Variants in IGF2BP3 observed in about 807,000 individuals in gnomAD.
IGF2BP3 encodes insulin like growth factor 2 mRNA binding protein 3.
A neutral mutation model predicts 73.8 loss-of-function variants in IGF2BP3; 9 were observed. The observed-to-expected ratio is 0.12, with a 90% CI of 0.07 to 0.21. The LOEUF (loss-of-function observed/expected upper bound fraction) is 0.21, where lower values mean the gene tolerates loss of function less well. IGF2BP3 is among the 10% of genes least tolerant of loss of function. The probability of loss-of-function intolerance (pLI) is 1.00; values close to 1 mark genes in which losing one functional copy is unlikely to be tolerated. For missense variants in IGF2BP3, 542 were observed against 714.0 expected, an observed-to-expected ratio of 0.76 and a Z score of 2.75; for synonymous variants, 258 against 256.7, an observed-to-expected ratio of 1.01 and a Z score of -0.05.
chr7:23,314,867 G>C (rs972483602), intron 12 of IGF2BP3, among the ~76,000 whole-genome samples: 1 of 151,788 alleles, frequency 6.6e-6, no homozygotes, highest in Non-Finnish European at 1.5e-5. Flanking sequence ...GCATGGTTTC[G>C]GCTTACTGCA....
At chr7:23,368,948 G>A (rs942906693) in intron 3 of IGF2BP3, among the ~76,000 whole-genome samples, 3 of 151,706 alleles carry the variant, frequency 2.0e-5, no homozygotes, top group African/African-American at 7.3e-5. Context: ...CACTTTAAAT[G>A]GTGAATTGCA....
At chr7:23,460,133 G>C (rs1788410509) in intron 2 of IGF2BP3, among the ~76,000 whole-genome samples, 1 of 134,282 alleles carries the variant, frequency 7.4e-6, no homozygotes, top group Non-Finnish European at 1.5e-5. Context: ...GTCTACACCT[G>C]TGATCACTGC....
chr7:23,317,636 T>C lies in IGF2BP3; in HGVS notation c.1395+3A>G, dbSNP rs769444658. The C allele has an allele frequency of 1.6e-5, 26 of 1,612,888 alleles. No homozygotes were observed. In the Middle Eastern group the frequency reaches 6.6e-4, roughly 41 times the overall value. ...GACATAGCACATACTCTAGAGCACA[T>C]ACCTTGAACTGAGCCTCTGGTGGTC... On this transcript the variant is annotated splice_donor_region_variant and intron_variant, in intron 12 of 14. Transcript: ENST00000258729.
At chr7:23,466,544 C>G (rs187889887) in intron 2 of IGF2BP3, among the ~76,000 whole-genome samples, 1 of 152,272 alleles carries the variant, frequency 6.6e-6, no homozygotes, top group East Asian at 1.9e-4. Flanking sequence ...TGTTAATAAA[C>G]TGAAGATACA....
chr7:23,335,992 A>C (rs1179192270), intron 10 of IGF2BP3, among the ~76,000 whole-genome samples: 1 of 152,188 alleles, frequency 6.6e-6, no homozygotes, highest in Admixed American at 6.5e-5. Context: ...CTCTGGGGAG[A>C]CTCAACCTGG....
chr7:23,465,530 C>CA (rs1554338703), intron 2 of IGF2BP3, among the ~76,000 whole-genome samples: 8 of 151,776 alleles, frequency 5.3e-5, no homozygotes, highest in African/African-American at 1.2e-4. Flanking sequence ...GGGTCCCCCC[C>CA]CAAGCTCCAC....
At chr7:23,359,183 C>T (rs1260703924) in intron 5 of IGF2BP3, among the ~76,000 whole-genome samples, 6 of 152,190 alleles carry the variant, frequency 3.9e-5, no homozygotes, top group African/African-American at 1.2e-4. Context: ...AGTTTGCTGT[C>T]GTGGTTAGGA....
At chr7:23,413,108 C>G (rs1456994702) in intron 3 of IGF2BP3, 1 of 151,494 alleles carries the variant, frequency 6.6e-6, no homozygotes, top group East Asian at 2.0e-4. Context: ...GACCCACCTG[C>G]CTTGGCCTCC....
chr7:23,347,423 T>C (rs1784855929), intron 7 of IGF2BP3, among the ~76,000 whole-genome samples, 177 bp downstream of exon 7: 2 of 152,086 alleles, frequency 1.3e-5, no homozygotes, highest in African/African-American at 2.4e-5. Context: ...TGAATGAAAA[T>C]ATTTAAATAT....
At chr7:23,417,883 A>G (rs1292092059) in intron 3 of IGF2BP3, among the ~76,000 whole-genome samples, 1 of 152,198 alleles carries the variant, frequency 6.6e-6, no homozygotes, top group Non-Finnish European at 1.5e-5. Flanking sequence ...ACCAAAAACC[A>G]ACCCCTTCCT....
At chr7:23,362,904 C>A (rs1177511102) in intron 3 of IGF2BP3, among the ~76,000 whole-genome samples, 1 of 152,068 alleles carries the variant, frequency 6.6e-6, no homozygotes, top group Non-Finnish European at 1.5e-5. Flanking sequence ...CAGGTGCACG[C>A]CGCCACCCTC....
intron 2 of IGF2BP3, among the ~76,000 whole-genome samples, chr7:23,450,979 C>T (rs1788182987): frequency 1.3e-5 from 2 of 152,234 alleles, no homozygotes; most frequent in Admixed American, 6.5e-5. Flanking sequence ...TTTCTAAACA[C>T]ATATCCATAT....
At chr7:23,336,185 A>AT (rs897969437) in intron 10 of IGF2BP3, among the ~76,000 whole-genome samples, 1 of 146,402 alleles carries the variant, frequency 6.8e-6, no homozygotes, top group African/African-American at 2.8e-5. Context: ...AGTAGTATAT[A>AT]TTAAAAAAAA....
intron 10 of IGF2BP3, among the ~76,000 whole-genome samples, chr7:23,323,872 C>G (rs1167008718): frequency 6.6e-6 from 1 of 151,540 alleles, no homozygotes; most frequent in Admixed American, 6.6e-5. Flanking sequence ...TTGAAACCAA[C>G]GAGAACAAAG....
At chr7:23,368,568 G>A (rs1469844962) in intron 3 of IGF2BP3, among the ~76,000 whole-genome samples, 3 of 151,972 alleles carry the variant, frequency 2.0e-5, no homozygotes, top group Non-Finnish European at 4.4e-5. Context: ...AGGTGATGAA[G>A]GTGTCCTAAA....
chr7:23,359,532 G>C (rs994883594), intron 5 of IGF2BP3, among the ~76,000 whole-genome samples: 1 of 152,138 alleles, frequency 6.6e-6, no homozygotes, highest in Non-Finnish European at 1.5e-5. Context: ...GCTCTACCAA[G>C]TATTCAGTAT....
chr7:23,319,259 T>G lies in IGF2BP3; in HGVS notation c.1204-5A>C, dbSNP rs772554388. On this transcript the variant is annotated splice_polypyrimidine_tract_variant and splice_region_variant and intron_variant, in intron 10 of 14. Coordinates refer to ENST00000258729, the MANE Select transcript of IGF2BP3 (RefSeq NM_006547.3). ...AACAGTCTCCGTTTCTGATTGCTGT[T>G]AGAAAAGAAAGCCAGGACACCCATG... is the stretch of plus-strand genomic sequence containing the variant. The G allele has an allele frequency of 6.3e-7, 1 of 1,589,404 alleles. No homozygotes were observed. Among genetic ancestry groups the G allele is most frequent in the Non-Finnish European group, 8.6e-7 (1 of 1,163,366 alleles).
At chr7:23,344,491 G>A (rs537703695) in intron 8 of IGF2BP3, among the ~76,000 whole-genome samples, 6 of 152,270 alleles carry the variant, frequency 3.9e-5, no homozygotes, top group South Asian at 2.1e-4. Flanking sequence ...TAACAAAAAC[G>A]TTAGATAGTG....
At chr7:23,428,298 C>T (rs1787572824) in intron 2 of IGF2BP3, among the ~76,000 whole-genome samples, 1 of 151,824 alleles carries the variant, frequency 6.6e-6, no homozygotes, top group Admixed American at 6.6e-5. Flanking sequence ...GGTGAAACCC[C>T]ATCTCTACTA....
Sources: allele counts gnomAD v4.1 joint callset (sites outside exome capture counted in the v4.1 genomes callset), GRCh38; gene constraint gnomAD v4.1.1; transcripts MANE v1.5; gene names NCBI Gene and HGNC (gene_info 2026-07-23, HGNC 2026-07-21).